MCM4: variants seen among roughly 807,000 people sequenced by gnomAD.
MCM4 encodes the protein minichromosome maintenance complex component 4.
In MCM4, 60 loss-of-function variants were observed where a neutral mutation model predicts 88.7. That is an observed-to-expected ratio of 0.68 (90% CI 0.55 to 0.84). The LOEUF (loss-of-function observed/expected upper bound fraction) is 0.84, where lower values mean the gene tolerates loss of function less well. MCM4 is among the 40% of genes least tolerant of loss of function. The pLI is 0.00. For missense variants in MCM4, 1,149 were observed against 1,105.5 expected (o/e 1.04, Z -0.56); for synonymous variants, 465 against 410.5 (o/e 1.13, Z -1.61).
Position 47,964,657 on chromosome 8 carries a change from A to G in MCM4, c.777A>G (p.Gln259=). 7.5e-6 allele frequency: 12 copies of G among 1,606,564 alleles called. No homozygotes were observed. The highest frequency in any genetic ancestry group is 9.3e-6 in the Non-Finnish European group (11 of 1,177,878). Residue 259 remains glutamine, a synonymous_variant, in exon 8 of 17, where the codon CAA becomes CAG. Coordinates refer to ENST00000649973, the MANE Select transcript of MCM4 (RefSeq NM_182746.3). ...YPDSILEHQI[Q]VRPFNALKTK... Reference sequence around the variant, plus strand: ...ACTCAATCTTAGAACATCAGATTCAAGTAAGACCATTCAACGCATTGAAGA... The same window carrying G: ...ACTCAATCTTAGAACATCAGATTCAGGTAAGACCATTCAACGCATTGAAGA...
intron 14 of MCM4, 173 bp from the exon 15 acceptor site, chr8:47,974,561 G>A (rs2090984306): frequency 1.6e-6 from 1 of 624,584 alleles, no homozygotes; most frequent in South Asian, 1.9e-5. Flanking sequence ...GTCTTCACCT[G>A]CGATTTCTGT....
chr8:47,965,003 G>A (rs2090886508), intron 8 of MCM4, among the ~76,000 whole-genome samples: 1 of 151,798 alleles, frequency 6.6e-6, no homozygotes, highest in South Asian at 2.1e-4. Context: ...ATCACCTGAG[G>A]TCAGGAGTTT....
chr8:47,972,755 C>T, intron 13 of MCM4, 102 bp from the exon 14 acceptor site: 1 of 808,288 alleles, frequency 1.2e-6, no homozygotes, highest in Non-Finnish European at 2.0e-6. Context: ...CAAGGTTTCA[C>T]CGTGTTGGCC....
At chr8:47,962,687 T>C in intron 5 of MCM4, 77 bp from the exon 6 acceptor site, 1 of 811,438 alleles carries the variant, frequency 1.2e-6, no homozygotes, top group Non-Finnish European at 2.1e-6. Context: ...AGTGACATAC[T>C]CATAACTTTG....
Position 47,960,948 on chromosome 8 carries a change from G to T in MCM4, c.-81G>T. On this transcript the variant is annotated 5_prime_UTR_variant, in exon 1 of 17. Coordinates refer to ENST00000649973, the MANE Select transcript of MCM4 (RefSeq NM_182746.3). ...GCGGGAACTCTGGGTCTCGCGGTTTGGGAGCGCTACTCGCCAGGTGGACTC... is the reference window on the plus strand; with the variant it reads ...GCGGGAACTCTGGGTCTCGCGGTTTTGGAGCGCTACTCGCCAGGTGGACTC... 1.8e-6 allele frequency: 1 copy of T among 542,576 alleles called. No individual in the cohort carries two copies. The highest frequency in any genetic ancestry group is 3.1e-6 in the Non-Finnish European group (1 of 325,792). The allele number at this position is 542,576 out of a possible 1,614,324, so 33.6% of individuals were successfully genotyped here.
intron 8 of MCM4, among the ~76,000 whole-genome samples, chr8:47,965,456 T>G (rs1384309113): frequency 6.6e-6 from 1 of 152,082 alleles, no homozygotes. Context: ...GGCAACAGGT[T>G]AAGACCCCAT....
intron 7 of MCM4, among the ~76,000 whole-genome samples, chr8:47,964,266 C>T (rs542289324): frequency 6.6e-6 from 1 of 152,300 alleles, no homozygotes; most frequent in Non-Finnish European, 1.5e-5. Flanking sequence ...TTTGGTATCA[C>T]TTCATTATAG....
chr8:47,971,466 A>T lies in MCM4; in HGVS notation c.1926A>T (p.Ser642=). 1 of 1,613,942 alleles carries T rather than the reference A, an allele frequency of 6.2e-7. No homozygotes were observed. The highest frequency in any genetic ancestry group is 8.5e-7 in the Non-Finnish European group (1 of 1,179,828). ...ENIQLPHTLL[S]RFDLIFLLLD... ...TCCAGCTGCCTCATACTTTATTATC[A>T]AGGTATTAAAACAGATTTTTATTTT... Residue 642 remains serine, a splice_region_variant and synonymous_variant, in exon 13 of 17, where the codon TCA becomes TCT. Transcript: ENST00000649973.
At position 47,964,531 on chromosome 8, in the gene MCM4, C is replaced by A. The variant is rs375241926; in HGVS notation, c.694-43C>A. 2.0e-6 allele frequency: 3 copies of A among 1,481,306 alleles called. No individual in the cohort carries two copies. The African/African-American group carries it at 4.2e-5, about 21-fold the overall frequency. The allele number at this position is 1,481,306 out of a possible 1,614,324, so 91.8% of individuals were successfully genotyped here. A position where few individuals can be genotyped will look rare whatever the true frequency, so the allele number is the denominator to read the frequency against. On this transcript the variant is annotated intron_variant, in intron 7 of 16. Transcript: ENST00000649973. ...TGACATGCCTTTATTATATTTAACA[C>A]TGAGATATGAATACAAATACATCTT...
At chr8:47,974,539 C>T (rs1332093338) in intron 14 of MCM4, 195 bp from the exon 15 acceptor site, 1 of 584,870 alleles carries the variant, frequency 1.7e-6, no homozygotes, top group Non-Finnish European at 3.1e-6. Context: ...CCACTGCACG[C>T]TGCACGTTGA....
In MCM4 at chr8:47,962,793, G is replaced by A. The variant is rs569515414; in HGVS notation, c.531G>A (p.Leu177=). 2.5e-6 allele frequency: 4 copies of A among 1,609,460 alleles called. No individual in the cohort carries two copies. The highest frequency in any genetic ancestry group is 3.4e-5 in the Admixed American group (2 of 59,052). Residue 177 remains leucine (L), a synonymous_variant, in exon 6 of 17, where the codon CTG becomes CTA. Coordinates refer to ENST00000649973, the MANE Select transcript of MCM4 (RefSeq NM_182746.3). ...TTCTTCAGCGTTTTATTGACCCTCTGGCTAAAGAAGAAGAAAATGTTGGCA... is the reference window on the plus strand; with the variant it reads ...TTCTTCAGCGTTTTATTGACCCTCTAGCTAAAGAAGAAGAAAATGTTGGCA... ...QRFLQRFIDP[L]AKEEENVGID... is the part of the protein sequence containing the mutation.
At chr8:47,974,407 C>T (rs969898529) in intron 14 of MCM4, 5 of 294,876 alleles carry the variant, frequency 1.7e-5, no homozygotes, top group African/African-American at 1.1e-4. Context: ...TCTCCTCTCC[C>T]CACATGCCAC....
In MCM4 at chr8:47,962,849, G is replaced by T; in HGVS notation, c.587G>T (p.Arg196Leu). ...ATTACTGAACCTCTATACATGCAAC[G>T]ACTTGGGGAGGTAATCAAATACTCT... ...IDITEPLYMQ[R>L]LGEINVIGEP... Residue 196 changes from arginine (R) to leucine (L), a missense_variant, in exon 6 of 17, where the codon CGA (arginine) becomes CTA (leucine). Transcript: ENST00000649973. The T allele has an allele frequency of 1.2e-6, 2 of 1,604,062 alleles. No homozygotes were observed. Among genetic ancestry groups the T allele is most frequent in the South Asian group, 2.3e-5 (2 of 88,554 alleles).
Position 47,967,476 on chromosome 8 carries a change from A to G in MCM4, c.1165A>G (p.Asn389Asp). ...CAAGGTCCAGCCTGGGGACAGAGTG[A>G]ATGTTACAGGTAAGAGTGTAGGTTT... is the stretch of plus-strand genomic sequence containing the variant. ...VDKVQPGDRV[N>D]VTGIYRAVPI... Residue 389 changes from asparagine (N) to aspartate (D), a missense_variant, in exon 10 of 17, where the codon AAT (asparagine) becomes GAT (aspartate). Asn to Asp is a conservative substitution (Grantham distance 23). Around this residue, in one of 3 missense-constraint regions of MCM4, gnomAD observed 906 missense variants for 843.0 expected, o/e 1.07. Coordinates refer to ENST00000649973, the MANE Select transcript of MCM4 (RefSeq NM_182746.3). 2 of 1,614,150 alleles carry G rather than the reference A, an allele frequency of 1.2e-6. No individual in the cohort carries two copies. The highest frequency in any genetic ancestry group is 1.7e-6 in the Non-Finnish European group (2 of 1,180,006).
At chr8:47,961,887 G>A in intron 3 of MCM4, 166 bp from the exon 4 acceptor site, 1 of 899,892 alleles carries the variant, frequency 1.1e-6, no homozygotes, top group Non-Finnish European at 1.7e-6. Flanking sequence ...AGCTTCTCTG[G>A]TGCTTTTTTT....
chr8:47,972,357 A>C (rs1224163754), intron 13 of MCM4, among the ~76,000 whole-genome samples: 1 of 151,842 alleles, frequency 6.6e-6, no homozygotes, highest in Non-Finnish European at 1.5e-5. Context: ...CCTAAGGACT[A>C]GGGACAGCAC....
chr8:47,961,900 A>G (rs1187087261), intron 3 of MCM4, 153 bp from the exon 4 acceptor site: 6 of 908,236 alleles, frequency 6.6e-6, no homozygotes, highest in Non-Finnish European at 9.9e-6. Context: ...CTTTTTTTTA[A>G]TAGAACATTT....
Position 47,962,812 on chromosome 8 carries a change from G to A in MCM4, c.550G>A (p.Val184Ile). 6.2e-7 allele frequency: 1 copy of A among 1,609,546 alleles called. No homozygotes were observed. Among genetic ancestry groups the A allele is most frequent in the Non-Finnish European group, 8.5e-7 (1 of 1,178,904 alleles). ...IDPLAKEEEN[V>I]GIDITEPLYM... ...CCCTCTGGCTAAAGAAGAAGAAAATGTTGGCATAGATATTACTGAACCTCT... is the reference window on the plus strand; with the variant it reads ...CCCTCTGGCTAAAGAAGAAGAAAATATTGGCATAGATATTACTGAACCTCT... The change falls in exon 6 of 17, where the codon GTT becomes ATT. Residue 184 changes from valine to isoleucine, a missense_variant. By Grantham distance (29) the Val-to-Ile change is conservative (BLOSUM62 3). Around this residue, in one of 3 missense-constraint regions of MCM4, gnomAD observed 906 missense variants for 843.0 expected, o/e 1.07. Coordinates refer to ENST00000649973, the MANE Select transcript of MCM4 (RefSeq NM_182746.3).
intron 13 of MCM4, among the ~76,000 whole-genome samples, chr8:47,971,693 C>T (rs17287684): frequency 1.3e-5 from 2 of 152,154 alleles, no homozygotes; most frequent in South Asian, 4.1e-4. Flanking sequence ...ATGGCTGTCA[C>T]TCACTACTCT....
Sources: allele counts gnomAD v4.1 joint callset (sites outside exome capture counted in the v4.1 genomes callset), GRCh38; gene constraint gnomAD v4.1.1; regional missense constraint gnomAD v4.1.1; transcripts MANE v1.5; gene names NCBI Gene and HGNC (gene_info 2026-07-23, HGNC 2026-07-21).